DNAJC1: variants seen among roughly 807,000 people sequenced by gnomAD.
DNAJC1 encodes the protein DnaJ heat shock protein family (Hsp40) member C1.
DNAJC1 carries 58 observed loss-of-function variants against 76.6 expected under a neutral mutation model. That is an observed-to-expected ratio of 0.76 (90% CI 0.61 to 0.94). The LOEUF (loss-of-function observed/expected upper bound fraction) is 0.94, where lower values mean the gene tolerates loss of function less well. Among genes scored for constraint, DNAJC1 ranks in the 40% least tolerant of loss-of-function variants. The probability of loss-of-function intolerance (pLI) is 0.00; values close to 1 mark genes in which losing one functional copy is unlikely to be tolerated. For missense variants in DNAJC1, 689 were observed against 677.3 expected, an observed-to-expected ratio of 1.02 and a Z score of -0.19; for synonymous variants, 258 against 267.9, an observed-to-expected ratio of 0.96 and a Z score of 0.36.
At chr10:21,842,928 C>T (rs983531783) in intron 8 of DNAJC1, among the ~76,000 whole-genome samples, 1 of 152,092 alleles carries the variant, frequency 6.6e-6, no homozygotes. Context: ...TCAAATGTAT[C>T]CCCTGTGCTT....
At chr10:21,944,823 G>C (rs1837477556) in intron 1 of DNAJC1, among the ~76,000 whole-genome samples, 1 of 152,206 alleles carries the variant, frequency 6.6e-6, no homozygotes, top group Non-Finnish European at 1.5e-5. Flanking sequence ...TGATGAATTA[G>C]ATTGGGGGTA....
intron 8 of DNAJC1, among the ~76,000 whole-genome samples, chr10:21,848,839 A>G (rs1835702232): frequency 6.6e-6 from 1 of 152,250 alleles, no homozygotes; most frequent in African/African-American, 2.4e-5. Flanking sequence ...AAAAACGAGA[A>G]AACTCAAAGC....
intron 1 of DNAJC1, among the ~76,000 whole-genome samples, chr10:22,001,999 T>C (rs1838525236): frequency 2.0e-5 from 3 of 152,238 alleles, no homozygotes; most frequent in Non-Finnish European, 4.4e-5. Flanking sequence ...GAAATGCCTA[T>C]ACTTTATAAC....
intron 1 of DNAJC1, among the ~76,000 whole-genome samples, chr10:21,960,210 G>C (rs185271693): frequency 6.6e-6 from 1 of 152,262 alleles, no homozygotes; most frequent in East Asian, 1.9e-4. Context: ...AAACTCCTTA[G>C]TGGTTATCTT....
chr10:21,914,463 C>G (rs2807976), intron 6 of DNAJC1, among the ~76,000 whole-genome samples: 3 of 152,182 alleles, frequency 2.0e-5, no homozygotes, highest in African/African-American at 7.2e-5. Context: ...TACTTTATTT[C>G]TACCATTCCT....
At chr10:21,958,126 A>G (rs916681443) in intron 1 of DNAJC1, among the ~76,000 whole-genome samples, 13 of 152,318 alleles carry the variant, frequency 8.5e-5, no homozygotes, top group East Asian at 3.9e-4. Flanking sequence ...ACAGAAACAT[A>G]TAAGTAGAAA....
chr10:21,774,693 G>T (rs1834431377), intron 9 of DNAJC1, among the ~76,000 whole-genome samples: 1 of 152,160 alleles, frequency 6.6e-6, no homozygotes, highest in Non-Finnish European at 1.5e-5. Context: ...TAGCCAGGAT[G>T]GTCTCGATCT....
chr10:21,837,654 G>T (rs1478360560), intron 8 of DNAJC1, among the ~76,000 whole-genome samples: 1 of 151,886 alleles, frequency 6.6e-6, no homozygotes, highest in East Asian at 1.9e-4. Flanking sequence ...TGTCTAGGAA[G>T]TGAGGAGCCC....
chr10:21,953,814 T>C (rs1437572833), intron 1 of DNAJC1, among the ~76,000 whole-genome samples: 1 of 43,200 alleles, frequency 2.3e-5, no homozygotes, highest in Non-Finnish European at 4.7e-5. Flanking sequence ...AAACTAAAAC[T>C]GAACTTTAAA....
intron 7 of DNAJC1, among the ~76,000 whole-genome samples, chr10:21,890,638 G>A (rs752406779): frequency 2.3e-4 from 35 of 152,042 alleles, no homozygotes; most frequent in East Asian, 7.8e-4. Flanking sequence ...CAAACGCTCC[G>A]TTCCTCATCT....
chr10:21,835,934 T>C lies in DNAJC1; in HGVS notation c.979-29835A>G, dbSNP rs143935125. Reference sequence around the variant, plus strand: ...ACTGTCCAGGAGAACTTCCCCAATCTAGCAAGGCAGGCCACCATTCAAATT... The same window carrying C: ...ACTGTCCAGGAGAACTTCCCCAATCCAGCAAGGCAGGCCACCATTCAAATT... On this transcript the variant is annotated intron_variant, in intron 8 of 11. Transcript: ENST00000376980. 5.7e-3 allele frequency among the ~76,000 whole-genome samples: 863 copies of C among 152,240 alleles called. 3 individuals are homozygous for C. Among genetic ancestry groups the C allele is most frequent in the Non-Finnish European group, 9.2e-3 (623 of 68,012 alleles).
rs551439152 is a variant in DNAJC1 at position 21,998,306 on chromosome 10, C to T, written c.222+4907G>A. Among the ~76,000 whole-genome samples the T allele has an allele frequency of 2.3e-4, 33 of 146,614 alleles. 1 individual carries two copies. In the South Asian group the frequency reaches 6.3e-3, roughly 28 times the overall value. On this transcript the variant is annotated intron_variant, in intron 1 of 11. Transcript: ENST00000376980. Reference sequence around the variant, plus strand: ...TCGGGAGGCTGAGGCAGGAGAATCGCGTGAACCCAGGAGGCAGAGGTTGCA... The same window carrying T: ...TCGGGAGGCTGAGGCAGGAGAATCGTGTGAACCCAGGAGGCAGAGGTTGCA...
intron 1 of DNAJC1, among the ~76,000 whole-genome samples, chr10:21,936,638 T>C (rs1442583293): frequency 6.6e-6 from 1 of 152,186 alleles, no homozygotes; most frequent in Non-Finnish European, 1.5e-5. Context: ...TAAAATTAAT[T>C]TAAAATTTTT....
chr10:21,970,106 A>C (rs1837954619), intron 1 of DNAJC1, among the ~76,000 whole-genome samples: 1 of 152,128 alleles, frequency 6.6e-6, no homozygotes, highest in Non-Finnish European at 1.5e-5. Context: ...ATTTCTCACT[A>C]CTCAGCATTT....
intron 1 of DNAJC1, among the ~76,000 whole-genome samples, chr10:21,939,927 C>T (rs1277954734): frequency 5.4e-5 from 8 of 147,642 alleles, no homozygotes; most frequent in Non-Finnish European, 1.0e-4. Flanking sequence ...TTTCTCACCC[C>T]ACCCCAAACC....
chr10:21,931,807 G>A (rs2131783709), intron 1 of DNAJC1, among the ~76,000 whole-genome samples: 1 of 152,294 alleles, frequency 6.6e-6, no homozygotes, highest in East Asian at 1.9e-4. Flanking sequence ...TGGATTAGAT[G>A]TTTTATCTCT....
intron 1 of DNAJC1, among the ~76,000 whole-genome samples, chr10:21,958,976 T>C (rs1163093307): frequency 2.6e-5 from 4 of 152,176 alleles, no homozygotes; most frequent in Non-Finnish European, 5.9e-5. Context: ...TATGCTCTTT[T>C]AATATTTAAC....
chr10:21,799,877 G>A (rs757155828), intron 9 of DNAJC1, among the ~76,000 whole-genome samples: 5 of 152,094 alleles, frequency 3.3e-5, no homozygotes, highest in Admixed American at 2.0e-4. Context: ...CATTTCCCCT[G>A]AGCACTGTGA....
chr10:21,821,833 A>C (rs75295463), intron 8 of DNAJC1, among the ~76,000 whole-genome samples: 8,830 of 151,336 alleles, frequency 0.058, 524 homozygotes, highest in African/African-American at 0.15. Context: ...TCTGTTATTA[A>C]CCTATTCAGG....
Sources: gnomAD v4.1 joint callset for allele counts (sites outside exome capture counted in the v4.1 genomes callset) on GRCh38, gnomAD v4.1.1 for gene constraint, MANE v1.5 for transcripts, NCBI Gene and HGNC (gene_info 2026-07-23, HGNC 2026-07-21) for gene names.